Variants in TRAF2 observed in about 807,000 individuals in gnomAD.
TRAF2 encodes TNF receptor-associated factor 2.
In TRAF2, 6 loss-of-function variants were observed where a neutral mutation model predicts 55.6. That is an observed-to-expected ratio of 0.11 (90% CI 0.06 to 0.21). TRAF2 has a LOEUF of 0.21. TRAF2 is among the 10% of genes least tolerant of loss of function. TRAF2 has a pLI of 1.00. For missense variants in TRAF2, 561 were observed against 684.5 expected (o/e 0.82, Z 2.01); for synonymous variants, 329 against 276.3 (o/e 1.19, Z -1.89).
chr9:136,920,242 T>C lies in TRAF2; in HGVS notation c.687T>C (p.Gly229=). ...HAIGCLETVE[G]EKQQEHEVQW... is the part of the protein sequence containing the mutation. ...CTGCCCTGTGTCCGCAGGTAGAGGG[T>C]GAGAAACAGCAGGAGCACGAGGTGC... Residue 229 remains glycine, a synonymous_variant, in exon 8 of 11, where the codon GGT becomes GGC. Transcript: ENST00000247668. 1 of 1,607,526 alleles carries C rather than the reference T, an allele frequency of 6.2e-7. No individual in the cohort carries two copies.
intron 2 of TRAF2, 105 bp downstream of exon 2, chr9:136,899,033 A>G: frequency 1.7e-6 from 2 of 1,160,884 alleles, no homozygotes; most frequent in Non-Finnish European, 2.4e-6. Context: ...TCCAGCTTAG[A>G]TGTGCTCCAG....
chr9:136,920,196 T>C (rs770494353), intron 7 of TRAF2, 38 bp from the exon 8 acceptor site: 21 of 1,565,458 alleles, frequency 1.3e-5, no homozygotes, highest in Non-Finnish European at 1.8e-5. Flanking sequence ...AGCCGAATGG[T>C]GGATGGAGCC....
intron 4 of TRAF2, among the ~76,000 whole-genome samples, chr9:136,900,906 G>T (rs972974425): frequency 6.6e-6 from 1 of 152,164 alleles, no homozygotes; most frequent in African/African-American, 2.4e-5. Context: ...GGAATGAAGG[G>T]GAGATCGCTG....
At chr9:136,924,148 G>A (rs1850465075) in intron 10 of TRAF2, 148 bp downstream of exon 10, 5 of 970,778 alleles carry the variant, frequency 5.2e-6, no homozygotes, top group Admixed American at 5.3e-5. Flanking sequence ...CTGTGATGCT[G>A]TGTCACGCGG....
At chr9:136,882,552 C>A, upstream of TRAF2, 1 of 492,008 alleles carries the variant, frequency 2.0e-6, no homozygotes, top group Non-Finnish European at 2.6e-6. Flanking sequence ...CCTGCAACCC[C>A]CATCCTCAGG....
At chr9:136,925,387 A>G (rs1479543244) in intron 10 of TRAF2, among the ~76,000 whole-genome samples, 1 of 152,252 alleles carries the variant, frequency 6.6e-6, no homozygotes, top group Non-Finnish European at 1.5e-5. Flanking sequence ...TAATAATTCA[A>G]GTTCAGGAGT....
chr9:136,891,704 A>C (rs1011395593), intron 1 of TRAF2, among the ~76,000 whole-genome samples: 3 of 151,896 alleles, frequency 2.0e-5, no homozygotes, highest in African/African-American at 4.8e-5. Flanking sequence ...CATTGGGAAA[A>C]AAGAACGCTC....
intron 4 of TRAF2, among the ~76,000 whole-genome samples, chr9:136,903,986 AAGAT>A (rs1849886222): frequency 6.6e-6 from 1 of 151,972 alleles, no homozygotes; most frequent in Non-Finnish European, 1.5e-5. Context: ...CCAGCCAAGA[AAGAT>A]TTTATTTTTG....
In TRAF2 at chr9:136,899,599, G is replaced by T; in HGVS notation, c.194G>T (p.Gly65Val). 1 of 1,608,108 alleles carries T rather than the reference G, an allele frequency of 6.2e-7. No homozygotes were observed. Among genetic ancestry groups the T allele is most frequent in the Non-Finnish European group, 8.5e-7 (1 of 1,176,210 alleles). The change falls in exon 3 of 11, where the codon GGG becomes GTG. Residue 65 changes from glycine to valine, a missense_variant. Around this residue, in one of 2 missense-constraint regions of TRAF2, gnomAD observed 426 missense variants for 476.8 expected, o/e 0.89. Coordinates refer to ENST00000247668, the MANE Select transcript of TRAF2 (RefSeq NM_021138.4). ...TTGCCTTTTTTCCCCACTAGCTCTG[G>T]GCCTCAGAACTGTGCTGCCTGTGTT... ...SFCLASILSS[G>V]PQNCAACVHE... is the part of the protein sequence containing the mutation.
intron 10 of TRAF2, among the ~76,000 whole-genome samples, chr9:136,924,952 T>C (rs1246631942): frequency 1.3e-5 from 2 of 152,356 alleles, no homozygotes; most frequent in Non-Finnish European, 2.9e-5. Flanking sequence ...TTGGCCAGGC[T>C]GGTCTTGATC....
chr9:136,897,092 G>A (rs1849697242), intron 1 of TRAF2, among the ~76,000 whole-genome samples: 1 of 152,210 alleles, frequency 6.6e-6, no homozygotes, highest in Non-Finnish European at 1.5e-5. Flanking sequence ...GGGGCTCCAT[G>A]TTCAGAAGGG....
upstream of TRAF2, among the ~76,000 whole-genome samples, chr9:136,882,326 C>T (rs1300363486): frequency 1.3e-5 from 2 of 152,202 alleles, no homozygotes; most frequent in Admixed American, 6.5e-5. Context: ...AGTGGCATGG[C>T]GGCCCCTCAC....
chr9:136,920,417 G>A lies in TRAF2; in HGVS notation c.862G>A (p.Val288Ile), dbSNP rs1474752416. 3.7e-6 allele frequency: 6 copies of A among 1,614,090 alleles called. No homozygotes were observed. The highest frequency in any genetic ancestry group is 5.1e-6 in the Non-Finnish European group (6 of 1,180,036). ...KTATFENIVCVLNREVERVAM... is the reference protein window; with the variant it reads ...KTATFENIVCILNREVERVAM... The stretch of plus-strand genomic sequence containing the variant: ...GGCCACTTTTGAGAACATTGTCTGC[G>A]TCCTGAACCGGGAGGTGGAGAGGGT... Residue 288 changes from valine (V) to isoleucine (I), a missense_variant, in exon 8 of 11, where the codon GTC (valine) becomes ATC (isoleucine). This residue lies in a region of TRAF2 where 426 missense variants were observed against 476.8 expected (regional missense o/e 0.89). Transcript: ENST00000247668.
chr9:136,900,549 CAG>C, intron 4 of TRAF2, 29 bp downstream of exon 4: 1 of 1,589,782 alleles, frequency 6.3e-7, no homozygotes, highest in Non-Finnish European at 8.6e-7. Context: ...GGCATGGTGA[CAG>C]AAGCTCCAGC....
upstream of TRAF2, among the ~76,000 whole-genome samples, chr9:136,883,935 C>G (rs901390092): frequency 6.6e-6 from 1 of 151,398 alleles, no homozygotes; most frequent in Admixed American, 6.6e-5. Context: ...GAATCTCCTG[C>G]CTACTCAGTC....
At chr9:136,914,606 A>AT (rs1302544191) in intron 6 of TRAF2, among the ~76,000 whole-genome samples, 4 of 152,184 alleles carry the variant, frequency 2.6e-5, no homozygotes, top group Non-Finnish European at 5.9e-5. Context: ...TGCATTTCAG[A>AT]TTCTTACCCA....
chr9:136,889,224 T>G (rs1341038566), intron 1 of TRAF2, among the ~76,000 whole-genome samples: 6 of 150,696 alleles, frequency 4.0e-5, no homozygotes, highest in African/African-American at 7.3e-5. Context: ...TTTCTGTTTT[T>G]TTTTTTTTTT....
chr9:136,898,695 CTGTG>C lies in TRAF2; in HGVS notation c.-28-14_-28-11del, dbSNP rs780153333. The stretch of plus-strand genomic sequence containing the variant: ...TGTTCTGGAATTGAGGTGTAACGTG[CTGTG>C]TGTTCTTCCTTAGGGCTTTGTTCGC... On this transcript the variant is annotated splice_polypyrimidine_tract_variant and intron_variant, in intron 1 of 10. Coordinates refer to ENST00000247668, the MANE Select transcript of TRAF2 (RefSeq NM_021138.4). 6.2e-7 allele frequency: 1 copy of C among 1,610,946 alleles called. No homozygotes were observed. Among genetic ancestry groups the C allele is most frequent in the Non-Finnish European group, 8.5e-7 (1 of 1,179,666 alleles).
rs556138186 is a variant in TRAF2 at position 136,904,888 on chromosome 9, G to A, written c.367-3182G>A. Among the ~76,000 whole-genome samples, 20 of 152,182 alleles carry A rather than the reference G, an allele frequency of 1.3e-4. No individual in the cohort carries two copies. In the South Asian group the frequency reaches 3.3e-3, roughly 25 times the overall value. On this transcript the variant is annotated intron_variant, in intron 4 of 10. Transcript: ENST00000247668. ...GTCAGTGGGTAGCAGAGTGCAAGGC[G>A]CTGTTGGGTTCAGGGAGTTGGTTCC...
Sources: gnomAD v4.1 joint callset for allele counts (sites outside exome capture counted in the v4.1 genomes callset) on GRCh38, gnomAD v4.1.1 for gene constraint, gnomAD v4.1.1 regional missense constraint, MANE v1.5 for transcripts, NCBI Gene and HGNC (gene_info 2026-07-23, HGNC 2026-07-21) for gene names.